The following GRIN2B variants were observed in gnomAD, a reference collection of about 807,000 sequenced individuals.
The protein encoded by GRIN2B is glutamate ionotropic receptor NMDA type subunit 2B.
In GRIN2B, 5 loss-of-function variants were observed where a neutral mutation model predicts 114.5. That is an observed-to-expected ratio of 0.04 (90% CI 0.02 to 0.09). The LOEUF (loss-of-function observed/expected upper bound fraction) is 0.09, where lower values mean the gene tolerates loss of function less well. Ranked by LOEUF, GRIN2B falls within the 10% of genes least tolerant of loss-of-function variation. The pLI is 1.00. For missense variants in GRIN2B, 1,108 were observed against 1,943.5 expected (o/e 0.57, Z 8.08); for synonymous variants, 787 against 745.1 (o/e 1.06, Z -0.92).
intron 2 of GRIN2B, among the ~76,000 whole-genome samples, chr12:13,869,730 AAT>A (rs1375938221): frequency 6.6e-6 from 1 of 152,100 alleles, no homozygotes; most frequent in African/African-American, 2.4e-5. Flanking sequence ...CTCTCAGTAT[AAT>A]ATGAGTGTTG....
At chr12:13,860,270 A>G (rs972753428) in intron 3 of GRIN2B, among the ~76,000 whole-genome samples, 1 of 152,338 alleles carries the variant, frequency 6.6e-6, no homozygotes, top group East Asian at 1.9e-4. Context: ...TGTGGCTCTC[A>G]GTACAGAAAA....
At chr12:13,790,817 C>A (rs913935207) in intron 3 of GRIN2B, among the ~76,000 whole-genome samples, 11 of 152,164 alleles carry the variant, frequency 7.2e-5, no homozygotes, top group African/African-American at 2.7e-4. Flanking sequence ...TATGCCAGGA[C>A]TGAAAGCAAG....
intron 3 of GRIN2B, among the ~76,000 whole-genome samples, chr12:13,842,882 A>G (rs1865400974): frequency 1.4e-5 from 2 of 143,870 alleles, no homozygotes. Context: ...TTTTCTGATT[A>G]GTTGCTCATT....
chr12:13,810,362 G>A (rs1421619587), intron 3 of GRIN2B, among the ~76,000 whole-genome samples: 1 of 151,702 alleles, frequency 6.6e-6, no homozygotes, highest in Non-Finnish European at 1.5e-5. Context: ...ATATTTGTGT[G>A]TGTGTGTGCG....
intron 4 of GRIN2B, among the ~76,000 whole-genome samples, chr12:13,701,703 A>T (rs1268234552): frequency 1.3e-5 from 2 of 151,698 alleles, no homozygotes. Flanking sequence ...CTGGATGACT[A>T]GCACAAGAAG....
intron 2 of GRIN2B, among the ~76,000 whole-genome samples, chr12:13,956,515 T>C (rs563435970): frequency 6.6e-6 from 1 of 152,156 alleles, no homozygotes; most frequent in African/African-American, 2.4e-5. Context: ...CTACCCTCAT[T>C]CTGTTCTATA....
chr12:13,894,834 T>C (rs1207187710), intron 2 of GRIN2B, among the ~76,000 whole-genome samples: 1 of 152,200 alleles, frequency 6.6e-6, no homozygotes, highest in Non-Finnish European at 1.5e-5. Context: ...TAGCAATTAC[T>C]AGCATATGAA....
At chr12:13,636,667 GGGTGAATGGT>G in intron 5 of GRIN2B, among the ~76,000 whole-genome samples, 1 of 152,288 alleles carries the variant, frequency 6.6e-6, no homozygotes, top group Middle Eastern at 3.4e-3. Context: ...CCAAGCCACT[GGGTGAATGGT>G]GGTGACATTT....
intron 10 of GRIN2B, among the ~76,000 whole-genome samples, chr12:13,599,246 G>A (rs1427976805): frequency 6.6e-6 from 1 of 152,152 alleles, no homozygotes; most frequent in Non-Finnish European, 1.5e-5. Context: ...GGCTTCCCTA[G>A]CCTCAGGGAG....
intron 5 of GRIN2B, among the ~76,000 whole-genome samples, chr12:13,653,855 A>G (rs779396219): frequency 6.6e-6 from 1 of 152,122 alleles, no homozygotes; most frequent in Non-Finnish European, 1.5e-5. Context: ...TGTTTCATCT[A>G]TAACCACTAA....
At chr12:13,690,573 T>A (rs751238973) in intron 4 of GRIN2B, among the ~76,000 whole-genome samples, 4 of 152,162 alleles carry the variant, frequency 2.6e-5, no homozygotes, top group Non-Finnish European at 5.9e-5. Flanking sequence ...TTCTCCCTTT[T>A]GATGTTTTTC....
At chr12:13,688,151 C>T (rs1461498849) in intron 4 of GRIN2B, among the ~76,000 whole-genome samples, 1 of 152,156 alleles carries the variant, frequency 6.6e-6, no homozygotes, top group Non-Finnish European at 1.5e-5. Context: ...CATTTTCCTT[C>T]CAATGCCCCA....
intron 4 of GRIN2B, among the ~76,000 whole-genome samples, chr12:13,718,303 C>T (rs1383421003): frequency 1.3e-5 from 2 of 152,046 alleles, no homozygotes; most frequent in Non-Finnish European, 2.9e-5. Flanking sequence ...TTCCCTCCTT[C>T]AAGGTGAGGA....
intron 2 of GRIN2B, among the ~76,000 whole-genome samples, chr12:13,916,000 G>T (rs1422895016): frequency 6.6e-6 from 1 of 151,838 alleles, no homozygotes; most frequent in African/African-American, 2.4e-5. Context: ...ACATAAATTG[G>T]ACCTATGCTT....
intron 2 of GRIN2B, among the ~76,000 whole-genome samples, chr12:13,973,451 C>G (rs1862963937): frequency 6.6e-6 from 1 of 152,172 alleles, no homozygotes; most frequent in Admixed American, 6.5e-5. Flanking sequence ...GGAAGCTCCT[C>G]TACTACAGAC....
At chr12:13,798,578 C>T (rs1864455810) in intron 3 of GRIN2B, among the ~76,000 whole-genome samples, 2 of 152,160 alleles carry the variant, frequency 1.3e-5, no homozygotes, top group Non-Finnish European at 2.9e-5. Flanking sequence ...TGCTTATTAT[C>T]ATATGTATTT....
intron 4 of GRIN2B, among the ~76,000 whole-genome samples, chr12:13,680,451 T>C (rs1950119506): frequency 7.9e-6 from 1 of 126,884 alleles, no homozygotes; most frequent in Admixed American, 7.6e-5. Context: ...TGTGTGTGTG[T>C]GTGTGTGTGT....
At chr12:13,854,417 A>G (rs980260737) in intron 3 of GRIN2B, among the ~76,000 whole-genome samples, 3 of 152,064 alleles carry the variant, frequency 2.0e-5, no homozygotes, top group Admixed American at 6.6e-5. Context: ...GGCTGAGGCA[A>G]GAGAATCATT....
At chr12:13,911,613 T>G (rs534040258) in intron 2 of GRIN2B, among the ~76,000 whole-genome samples, 1 of 152,190 alleles carries the variant, frequency 6.6e-6, no homozygotes, top group South Asian at 2.1e-4. Flanking sequence ...AGGAAAAAGA[T>G]TTCTTCTCCC....
Sources: gnomAD v4.1 joint callset for allele counts (sites outside exome capture counted in the v4.1 genomes callset) on GRCh38, gnomAD v4.1.1 for gene constraint, MANE v1.5 for transcripts, NCBI Gene and HGNC (gene_info 2026-07-23, HGNC 2026-07-21) for gene names.